Variants in ENTREP2 observed in about 807,000 individuals in gnomAD.
ENTREP2 encodes the protein protein ENTREP2.
chr15:29,588,301 G>A, the ENTREP2 span, among the ~76,000 whole-genome samples: 1 of 152,096 alleles, frequency 6.6e-6, no homozygotes, highest in African/African-American at 2.4e-5. Flanking sequence ...ACTTCAGCCT[G>A]TAAATTGCAG....
At chr15:29,380,937 T>C in the ENTREP2 span, among the ~76,000 whole-genome samples, 43,308 of 148,924 alleles carry the variant, frequency 0.29, 6,753 homozygotes, top group African/African-American at 0.41. Flanking sequence ...CTGCAACCTC[T>C]ACCTCCCGGG....
the ENTREP2 span, among the ~76,000 whole-genome samples, chr15:29,235,380 A>G: frequency 6.6e-6 from 1 of 152,116 alleles, no homozygotes; most frequent in African/African-American, 2.4e-5. Flanking sequence ...TTGTCTTTTC[A>G]TCTTGCTTGT....
chr15:29,192,700 G>A, the ENTREP2 span, among the ~76,000 whole-genome samples: 1 of 152,194 alleles, frequency 6.6e-6, no homozygotes, highest in Non-Finnish European at 1.5e-5. Flanking sequence ...ATTAAAAACA[G>A]GCACAGAGAT....
the ENTREP2 span, among the ~76,000 whole-genome samples, chr15:29,257,261 C>T: frequency 5.3e-5 from 8 of 152,006 alleles, no homozygotes; most frequent in East Asian, 1.9e-4. Flanking sequence ...TTAGTAGAGA[C>T]GGGGTTTCTC....
At chr15:29,141,873 C>T in the ENTREP2 span, among the ~76,000 whole-genome samples, 2 of 152,338 alleles carry the variant, frequency 1.3e-5, no homozygotes, top group Non-Finnish European at 2.9e-5. Context: ...CTGGTCCTGC[C>T]GCCACCCCCA....
chr15:29,456,118 G>GAAAAATTGTCTTCCATGA, the ENTREP2 span, among the ~76,000 whole-genome samples: 1 of 152,110 alleles, frequency 6.6e-6, no homozygotes, highest in African/African-American at 2.4e-5. Flanking sequence ...CCTGTCCATG[G>GAAAAATTGTCTTCCATGA]AAAAATTGTC....
chr15:29,135,160 G>T, the ENTREP2 span, among the ~76,000 whole-genome samples: 1 of 142,530 alleles, frequency 7.0e-6, no homozygotes, highest in Non-Finnish European at 1.5e-5. The surrounding 1 kb of genome is among the most constrained non-coding windows in gnomAD (Gnocchi z 7.4). Flanking sequence ...CCCTGCCCAC[G>T]CCCTCTGCTC....
At chr15:29,283,046 A>C in the ENTREP2 span, among the ~76,000 whole-genome samples, 2 of 152,276 alleles carry the variant, frequency 1.3e-5, no homozygotes, top group East Asian at 3.9e-4. Flanking sequence ...AGAGTCCAGC[A>C]AGAATCTCTG....
the ENTREP2 span, among the ~76,000 whole-genome samples, chr15:29,369,110 A>C: frequency 6.6e-6 from 1 of 152,148 alleles, no homozygotes; most frequent in Non-Finnish European, 1.5e-5. Context: ...ACCAAAGTGC[A>C]TGCAATGGAG....
chr15:29,612,207 G>A, the ENTREP2 span, among the ~76,000 whole-genome samples: 5 of 152,072 alleles, frequency 3.3e-5, no homozygotes, highest in African/African-American at 1.2e-4. Context: ...TCAGAATACT[G>A]GGCTTTGTCC....
the ENTREP2 span, among the ~76,000 whole-genome samples, chr15:29,154,999 C>A: frequency 1.3e-5 from 2 of 152,128 alleles, no homozygotes; most frequent in Non-Finnish European, 2.9e-5. Flanking sequence ...TTAGGCAGAA[C>A]CGGCCGGGCG....
At chr15:29,161,498 C>G in the ENTREP2 span, among the ~76,000 whole-genome samples, 2 of 152,218 alleles carry the variant, frequency 1.3e-5, no homozygotes, top group Non-Finnish European at 1.5e-5. Flanking sequence ...TAACAGTAAA[C>G]AGTAACAGAC....
At chr15:29,199,176 C>T in the ENTREP2 span, among the ~76,000 whole-genome samples, 1 of 152,172 alleles carries the variant, frequency 6.6e-6, no homozygotes, top group Non-Finnish European at 1.5e-5. Flanking sequence ...AAGCCACTTT[C>T]CAAAGTGGCT....
the ENTREP2 span, among the ~76,000 whole-genome samples, chr15:29,638,747 C>T: frequency 2.6e-5 from 4 of 152,182 alleles, no homozygotes; most frequent in African/African-American, 9.6e-5. Context: ...GTGGCTGTTG[C>T]CTAGCAAGTA....
chr15:29,642,982 C>A, the ENTREP2 span, among the ~76,000 whole-genome samples: 1 of 152,116 alleles, frequency 6.6e-6, no homozygotes, highest in Non-Finnish European at 1.5e-5. Context: ...AAATTGAACC[C>A]CTACCTCATT....
chr15:29,489,698 A>G, the ENTREP2 span, among the ~76,000 whole-genome samples: 1 of 152,218 alleles, frequency 6.6e-6, no homozygotes, highest in African/African-American at 2.4e-5. Context: ...CCCGTCCATC[A>G]GAGCCTGCAG....
the ENTREP2 span, among the ~76,000 whole-genome samples, chr15:29,308,668 G>GGT: frequency 6.6e-6 from 1 of 152,144 alleles, no homozygotes; most frequent in Non-Finnish European, 1.5e-5. Context: ...CAGCTGCAGT[G>GGT]GTACCTTGCA....
chr15:29,593,100 T>C, the ENTREP2 span, among the ~76,000 whole-genome samples: 2,014 of 152,280 alleles, frequency 0.013, 40 homozygotes, highest in African/African-American at 0.045. Context: ...ATTTGAACCA[T>C]AGCAAATCTC....
the ENTREP2 span, among the ~76,000 whole-genome samples, chr15:29,162,968 A>G: frequency 2.8e-4 from 43 of 152,264 alleles, no homozygotes; most frequent in Non-Finnish European, 3.8e-4. Flanking sequence ...AGACCCATAG[A>G]CGGTTCACAT....
Sources: gnomAD v4.1 joint callset for allele counts (sites outside exome capture counted in the v4.1 genomes callset) on GRCh38, gnomAD v4.1.1 for gene constraint, Gnocchi (gnomAD v3.1) non-coding constraint, MANE v1.5 for transcripts, NCBI Gene and HGNC (gene_info 2026-07-23, HGNC 2026-07-21) for gene names.